ARHGEF39: variants seen among roughly 807,000 people sequenced by gnomAD.
The protein encoded by ARHGEF39 is Rho guanine nucleotide exchange factor (GEF) 39.
Under a neutral mutation model 47.5 loss-of-function variants are expected in ARHGEF39, and 45 were observed. That is an observed-to-expected ratio of 0.95 (90% CI 0.75 to 1.22). The LOEUF (loss-of-function observed/expected upper bound fraction) is 1.22. Among genes scored for constraint, ARHGEF39 ranks in the 50% most tolerant of loss-of-function variants. The pLI is 0.00. For missense variants in ARHGEF39, 411 were observed against 425.3 expected, an observed-to-expected ratio of 0.97 and a Z score of 0.30; for synonymous variants, 164 against 167.8, an observed-to-expected ratio of 0.98 and a Z score of 0.17.
Position 35,660,236 on chromosome 9 carries a change from A to T in ARHGEF39, c.*1751T>A. ...TGTGGGACATAGGACGTCGCTTCAT[A>T]TGCTGGGTGAGGAGCTAGATAGACT... On this transcript the variant is annotated 3_prime_UTR_variant, in exon 9 of 9. Transcript: ENST00000378387. The T allele has an allele frequency of 1.6e-6, 1 of 609,102 alleles. No homozygotes were observed. 37.7% of individuals were successfully genotyped at this position (609,102 alleles called of 1,614,324 possible).
In ARHGEF39 at chr9:35,663,014, TTC is replaced by T. The variant is rs772181199; in HGVS notation, c.603_604del (p.Lys202GlufsTer2). 3.7e-6 allele frequency: 6 copies of T among 1,611,104 alleles called. No individual in the cohort carries two copies. In the Admixed American group the frequency reaches 6.7e-5, roughly 18 times the overall value. ...GACACGCCGAAGGTGCTGGTCATTC[TTC>T]TGTTTCTGACCAATAGTATGGACTC... On this transcript the variant is annotated frameshift_variant, in exon 6 of 9. Coordinates refer to ENST00000378387, the MANE Select transcript of ARHGEF39 (RefSeq NM_032818.3). LOFTEE classifies it high-confidence loss of function.
intron 7 of ARHGEF39, 60 bp downstream of exon 7, chr9:35,662,452 A>C: frequency 6.5e-7 from 1 of 1,535,596 alleles, no homozygotes; most frequent in South Asian, 1.2e-5. Flanking sequence ...CCAGGGAGAT[A>C]AACCAGCCCA....
Position 35,660,730 on chromosome 9 carries a change from G to A in ARHGEF39, c.*1257C>T. ...GGGGACATAGGTTGGGAGCCACTGA[G>A]TGGACATTTCTTCAGTGTGACTACT... is the stretch of plus-strand genomic sequence containing the variant. On this transcript the variant is annotated 3_prime_UTR_variant, in exon 9 of 9. Coordinates refer to ENST00000378387, the MANE Select transcript of ARHGEF39 (RefSeq NM_032818.3). 1 of 1,613,818 alleles carries A rather than the reference G, an allele frequency of 6.2e-7. No individual in the cohort carries two copies. Among genetic ancestry groups the A allele is most frequent in the East Asian group, 2.2e-5 (1 of 44,886 alleles).
Position 35,665,029 on chromosome 9 carries a change from C to T in ARHGEF39, c.138+3G>A. On this transcript the variant is annotated splice_donor_region_variant and intron_variant, in intron 1 of 8. Coordinates refer to ENST00000378387, the MANE Select transcript of ARHGEF39 (RefSeq NM_032818.3). ...TAATGGGAGCGTGTGCCAGGTCCCC[C>T]ACCGTGGCCACCAGCCCCAGCTGTT... 1 of 1,554,540 alleles carries T rather than the reference C, an allele frequency of 6.4e-7. No individual in the cohort carries two copies.
chr9:35,660,960 G>C lies in ARHGEF39; in HGVS notation c.*1027C>G, dbSNP rs1385008304. On this transcript the variant is annotated 3_prime_UTR_variant, in exon 9 of 9. Coordinates refer to ENST00000378387, the MANE Select transcript of ARHGEF39 (RefSeq NM_032818.3). Reference sequence around the variant, plus strand: ...CACAGAGGCCAGCAGACCTCTTCCTGAGGACTTCTGTTTAAAGGAGGACGA... The same window carrying C: ...CACAGAGGCCAGCAGACCTCTTCCTCAGGACTTCTGTTTAAAGGAGGACGA... The C allele has an allele frequency of 2.5e-6, 4 of 1,614,190 alleles. No individual in the cohort carries two copies. The highest frequency in any genetic ancestry group is 3.4e-6 in the Non-Finnish European group (4 of 1,180,028).
At position 35,661,014 on chromosome 9, in the gene ARHGEF39, G is replaced by T; in HGVS notation, c.*973C>A. The T allele has an allele frequency of 6.2e-7, 1 of 1,614,108 alleles. No individual in the cohort carries two copies. Among genetic ancestry groups the T allele is most frequent in the Non-Finnish European group, 8.5e-7 (1 of 1,179,988 alleles). ...GGAGATTGGTGACAGTCAGGCCTGG[G>T]AGGAGCCCACAAACTGGAGCACAGA... On this transcript the variant is annotated 3_prime_UTR_variant, in exon 9 of 9. Coordinates refer to ENST00000378387, the MANE Select transcript of ARHGEF39 (RefSeq NM_032818.3).
intron 6 of ARHGEF39, 25 bp from the exon 7 acceptor site, chr9:35,662,766 C>G (rs1250919596): frequency 1.3e-6 from 2 of 1,542,342 alleles, no homozygotes; most frequent in Non-Finnish European, 8.8e-7. Flanking sequence ...CGCTGTTATT[C>G]TGGTGCAGCT....
At chr9:35,663,935 C>T in intron 4 of ARHGEF39, 73 bp downstream of exon 4, 1 of 1,463,772 alleles carries the variant, frequency 6.8e-7, no homozygotes, top group Non-Finnish European at 9.5e-7. Flanking sequence ...GACCCCAAGG[C>T]ATCCCACAAA....
rs768746491 is a variant in ARHGEF39 at position 35,662,955 on chromosome 9, GC to G, written c.663del (p.Leu222Ter). 1.1e-4 allele frequency: 176 copies of G among 1,606,098 alleles called. 1 individual carries two copies. The highest frequency in any genetic ancestry group is 1.7e-4 in the Middle Eastern group (1 of 6,052). The part of the protein sequence containing the change: ...QALLSGRQAK[G>X]LTSGRWFLRQ... ...GAAGTAGGCAAGCTACCTGAGGTCAGCCCCTTTGCCTGGCGTCCACTGAGCA... is the reference window on the plus strand; with the variant it reads ...GAAGTAGGCAAGCTACCTGAGGTCAGCCCTTTGCCTGGCGTCCACTGAGCA... On this transcript the variant is annotated frameshift_variant, in exon 6 of 9. Transcript: ENST00000378387. LOFTEE classifies it high-confidence loss of function.
Position 35,660,714 on chromosome 9 carries a change from G to A in ARHGEF39, c.*1273C>T. On this transcript the variant is annotated 3_prime_UTR_variant, in exon 9 of 9. Transcript: ENST00000378387. Reference sequence around the variant, plus strand: ...GGCAGGAGGGAGGAATGGGGACATAGGTTGGGAGCCACTGAGTGGACATTT... The same window carrying A: ...GGCAGGAGGGAGGAATGGGGACATAAGTTGGGAGCCACTGAGTGGACATTT... 1.2e-6 allele frequency: 2 copies of A among 1,613,864 alleles called. No individual in the cohort carries two copies. The highest frequency in any genetic ancestry group is 1.1e-5 in the South Asian group (1 of 91,062).
rs1156730750 is a variant in ARHGEF39, at chr9:35,662,599, A to G, written c.816T>C (p.Phe272=). ...CCATGGGGTAGAGGGCCTTGCAGGC[A>G]AAGGTGCCACTCCGCAGCAGGTGCA... ...PPLHLLRSGT[F]ACKALYPMAQ... The change falls in exon 7 of 9, where the codon TTT becomes TTC. Residue 272 remains phenylalanine (F), a synonymous_variant. Transcript: ENST00000378387. The G allele has an allele frequency of 6.2e-7, 1 of 1,614,208 alleles. No homozygotes were observed. The highest frequency in any genetic ancestry group is 1.7e-5 in the Admixed American group (1 of 60,022).
Position 35,662,189 on chromosome 9 carries a change from A to G in ARHGEF39, c.982T>C (p.Trp328Arg). ...GAAGACACAACTTACCTGATAGCCC[A>G]AGTCAGACTGTGGTACCAGCGTGAC... ...ELSRWYHSLT[W>R]AISSQKN Residue 328 changes from tryptophan (W) to arginine (R), a missense_variant, in exon 8 of 9, where the codon TGG becomes CGG. Physicochemically the swap from Trp to Arg is moderately radical, Grantham distance 101 (BLOSUM62 -3). Transcript: ENST00000378387. The G allele has an allele frequency of 6.2e-7, 1 of 1,614,150 alleles. No individual in the cohort carries two copies. Among genetic ancestry groups the G allele is most frequent in the Non-Finnish European group, 8.5e-7 (1 of 1,179,990 alleles).
chr9:35,664,896 G>A (rs1751317606), intron 1 of ARHGEF39, 46 bp from the exon 2 acceptor site: 2 of 1,585,026 alleles, frequency 1.3e-6, no homozygotes, highest in Non-Finnish European at 1.7e-6. Flanking sequence ...GGAAGAGAAG[G>A]CTAACGCCAA....
intron 6 of ARHGEF39, 96 bp from the exon 7 acceptor site, chr9:35,662,837 C>G: frequency 6.5e-7 from 1 of 1,544,652 alleles, no homozygotes; most frequent in Non-Finnish European, 8.8e-7. Context: ...TGTGCTGGGT[C>G]AGTACAGGAA....
intron 2 of ARHGEF39, 80 bp from the exon 3 acceptor site, chr9:35,664,572 T>G: frequency 1.3e-6 from 2 of 1,523,130 alleles, no homozygotes; most frequent in Non-Finnish European, 1.8e-6. Flanking sequence ...AGAATAGCAC[T>G]AATAGTAGTG....
chr9:35,663,901 G>T, intron 4 of ARHGEF39, 107 bp downstream of exon 4: 2 of 1,210,814 alleles, frequency 1.7e-6, no homozygotes, highest in Non-Finnish European at 2.4e-6. Flanking sequence ...ATTTGGCTCA[G>T]GGTCGAGGCA....
At position 35,662,533 on chromosome 9, in the gene ARHGEF39, G is replaced by C. The variant is rs150342663; in HGVS notation, c.882C>G (p.Gly294=). 5 of 1,613,926 alleles carry C rather than the reference G, an allele frequency of 3.1e-6. No individual in the cohort carries two copies. In the South Asian group the frequency reaches 5.5e-5, roughly 18 times the overall value. The change falls in exon 7 of 9, where the codon GGC becomes GGG. Residue 294 remains glycine (G), a synonymous_variant. Transcript: ENST00000378387. The part of the protein sequence containing the change: ...HLSRVFGHSG[G]PCGGLLSLSF... ...TTACACTGAGCAACCCACCACAAGG[G>C]CCTCCTGAGTGGCCAAAGACCCTGC...
Position 35,662,620 on chromosome 9 carries a change from G to A in ARHGEF39, c.795C>T (p.His265=), listed in dbSNP as rs752920171. Residue 265 remains histidine (H), a synonymous_variant, in exon 7 of 9, where the codon CAC becomes CAT. Coordinates refer to ENST00000378387, the MANE Select transcript of ARHGEF39 (RefSeq NM_032818.3). ...LLMAKPRPPL[H]LLRSGTFACK... The stretch of plus-strand genomic sequence containing the variant: ...AGGCAAAGGTGCCACTCCGCAGCAG[G>A]TGCAGTGGAGGCCGAGGCTTGGCCA... 2.5e-6 allele frequency: 4 copies of A among 1,614,144 alleles called. No individual in the cohort carries two copies. Among genetic ancestry groups the A allele is most frequent in the Admixed American group, 3.3e-5 (2 of 60,020 alleles).
In ARHGEF39 at chr9:35,663,083, AC is replaced by A; in HGVS notation, c.545-10del. On this transcript the variant is annotated splice_polypyrimidine_tract_variant and intron_variant, in intron 5 of 8. Transcript: ENST00000378387. ...TATCAGTCGGGCAGCCCCTGGAATA[AC>A]ATCTCCCACCTTACTCCCCATACAA... The A allele has an allele frequency of 6.2e-7, 1 of 1,612,600 alleles. No homozygotes were observed. Among genetic ancestry groups the A allele is most frequent in the Admixed American group, 1.7e-5 (1 of 59,996 alleles).
Sources: gnomAD v4.1 joint callset for allele counts on GRCh38, gnomAD v4.1.1 for gene constraint, MANE v1.5 for transcripts, NCBI Gene and HGNC (gene_info 2026-07-23, HGNC 2026-07-21) for gene names.